The following KPNA3 variants were observed in gnomAD, a reference collection of about 807,000 sequenced individuals.
KPNA3 encodes the protein karyopherin subunit alpha 3.
A neutral mutation model predicts 73.8 loss-of-function variants in KPNA3; 13 were observed. That is an observed-to-expected ratio of 0.18 (90% CI 0.11 to 0.28). The LOEUF (loss-of-function observed/expected upper bound fraction) is 0.28, where lower values mean the gene tolerates loss of function less well. Ranked by LOEUF, KPNA3 falls within the 10% of genes least tolerant of loss-of-function variation. The pLI is 1.00. For missense variants in KPNA3, 360 were observed against 618.1 expected, an observed-to-expected ratio of 0.58 and a Z score of 4.43; for synonymous variants, 186 against 206.9, an observed-to-expected ratio of 0.90 and a Z score of 0.87.
chr13:49,736,550 A>C (rs191302615), intron 2 of KPNA3, among the ~76,000 whole-genome samples: 1 of 152,350 alleles, frequency 6.6e-6, no homozygotes, highest in East Asian at 1.9e-4. Flanking sequence ...AGTTATAAGA[A>C]TATGGAGAGA....
At chr13:49,735,526 C>T (rs968263473) in intron 2 of KPNA3, among the ~76,000 whole-genome samples, 4 of 152,110 alleles carry the variant, frequency 2.6e-5, no homozygotes, top group African/African-American at 9.7e-5. Context: ...TTAAACTGTC[C>T]CTTCAGTTGA....
intron 10 of KPNA3, among the ~76,000 whole-genome samples, chr13:49,718,654 T>C (rs912326678): frequency 3.3e-5 from 5 of 152,210 alleles, no homozygotes; most frequent in African/African-American, 1.2e-4. Context: ...TTATCTTATA[T>C]GTCTTTTGTT....
At chr13:49,713,674 C>CACACACACACACACACACAA (rs563909268) in intron 10 of KPNA3, among the ~76,000 whole-genome samples, 8 of 141,896 alleles carry the variant, frequency 5.6e-5, no homozygotes, top group African/African-American at 1.8e-4. Context: ...CACACACACA[C>CACACACACACACACACACAA]AAAACAGAAA....
chr13:49,742,443 G>C, intron 2 of KPNA3, among the ~76,000 whole-genome samples: 1 of 152,060 alleles, frequency 6.6e-6, no homozygotes, highest in East Asian at 1.9e-4. Context: ...GCCGTAGAAA[G>C]CAAACTTTTC....
intron 1 of KPNA3, among the ~76,000 whole-genome samples, chr13:49,768,088 C>A (rs1442781818): frequency 6.6e-6 from 1 of 151,794 alleles, no homozygotes; most frequent in Non-Finnish European, 1.5e-5. Flanking sequence ...GATCAGCCTG[C>A]CCAACATAAT....
chr13:49,705,359 C>CAA (rs34997868), intron 15 of KPNA3, among the ~76,000 whole-genome samples: 40 of 117,230 alleles, frequency 3.4e-4, no homozygotes, highest in African/African-American at 1.0e-3. Flanking sequence ...ATTCTGTCTC[C>CAA]AAAAAAAAAA....
chr13:49,738,496 AT>A (rs1205123824), intron 2 of KPNA3, among the ~76,000 whole-genome samples: 1 of 152,224 alleles, frequency 6.6e-6, no homozygotes, highest in African/African-American at 2.4e-5. Context: ...CACAGTATAC[AT>A]CTCTCCATTT....
At chr13:49,740,325 C>T (rs1954562128) in intron 2 of KPNA3, among the ~76,000 whole-genome samples, 1 of 151,644 alleles carries the variant, frequency 6.6e-6, no homozygotes, top group African/African-American at 2.4e-5. Flanking sequence ...TTAAAATCTA[C>T]TGTCAGTGAT....
intron 1 of KPNA3, among the ~76,000 whole-genome samples, chr13:49,766,146 G>A (rs770926670): frequency 8.5e-5 from 13 of 152,172 alleles, no homozygotes; most frequent in Non-Finnish European, 1.9e-4. Flanking sequence ...AATAAAAGCA[G>A]CTCGTGTCAC....
intron 1 of KPNA3, among the ~76,000 whole-genome samples, chr13:49,782,009 C>T (rs1193360247): frequency 6.6e-6 from 1 of 152,222 alleles, no homozygotes; most frequent in Non-Finnish European, 1.5e-5. Flanking sequence ...CACAGTACTT[C>T]TGTCAAGATG....
chr13:49,792,374 C>G, intron 1 of KPNA3, 64 bp downstream of exon 1: 1 of 1,225,152 alleles, frequency 8.2e-7, no homozygotes, highest in Non-Finnish European at 1.1e-6. Context: ...GCCGGCCCCC[C>G]GCCCCTCCCC....
At chr13:49,722,147 T>A (rs1253474894) in intron 8 of KPNA3, 23 bp from the exon 9 acceptor site, 25 of 1,456,262 alleles carry the variant, frequency 1.7e-5, no homozygotes, top group Non-Finnish European at 2.2e-5. Flanking sequence ...AAATTATATT[T>A]AAAAAAAACT....
Position 49,792,578 on chromosome 13 carries a change from GGGGGAGGAGGGGGAGAGCGGGAGGGGGGA to G in KPNA3, c.-101_-73del. The G allele has an allele frequency of 3.7e-6, 3 of 805,556 alleles. No individual in the cohort carries two copies. Among genetic ancestry groups the G allele is most frequent in the Non-Finnish European group, 3.9e-6 (2 of 517,778 alleles). The allele number at this position is 805,556 out of a possible 1,614,324, so 49.9% of individuals were successfully genotyped here. A position where few individuals can be genotyped will look rare whatever the true frequency, so the allele number is the denominator to read the frequency against. On this transcript the variant is annotated 5_prime_UTR_variant, in exon 1 of 17. Coordinates refer to ENST00000261667, the MANE Select transcript of KPNA3 (RefSeq NM_002267.4). ...GGCGGCGGCGAATCTTGGAGCGGGA[GGGGGAGGAGGGGGAGAGCGGGAGGGGGGA>G]GGGGAGAGAAGAGCACGTTCTGTGA...
At chr13:49,723,922 C>T (rs1010599287) in intron 7 of KPNA3, among the ~76,000 whole-genome samples, 29 of 151,792 alleles carry the variant, frequency 1.9e-4, no homozygotes, top group Admixed American at 6.6e-4. Flanking sequence ...ATACTTAAGG[C>T]AGTCATTCCA....
chr13:49,768,102 A>AC (rs1954823405), intron 1 of KPNA3, among the ~76,000 whole-genome samples: 1 of 151,744 alleles, frequency 6.6e-6, no homozygotes, highest in Non-Finnish European at 1.5e-5. Context: ...ACATAATGAA[A>AC]CCCCGTCTCT....
At chr13:49,769,600 T>C (rs1954836948) in intron 1 of KPNA3, among the ~76,000 whole-genome samples, 1 of 152,268 alleles carries the variant, frequency 6.6e-6, no homozygotes, top group Non-Finnish European at 1.5e-5. Context: ...TGCTGTAGCA[T>C]GTATAAATAC....
At chr13:49,724,534 C>G (rs543413857) in intron 7 of KPNA3, among the ~76,000 whole-genome samples, 5 of 152,140 alleles carry the variant, frequency 3.3e-5, no homozygotes, top group Non-Finnish European at 5.9e-5. Context: ...GTCTTGATCT[C>G]CTGACCTCGT....
rs191284445 is a variant in KPNA3, at chr13:49,722,048, G to T, written c.633C>A (p.Ser211=). The T allele has an allele frequency of 1.7e-5, 28 of 1,612,058 alleles. No homozygotes were observed. The East Asian group carries it at 6.2e-4, about 36-fold the overall frequency. The part of the protein sequence containing the change: ...VKPLLSFISP[S]IPITFLRNVT... ...CGTTCCGAAGGAAGGTGATGGGGAT[G>T]GAGGGACTGATGAAGGACAGAAGAG... Residue 211 remains serine, a synonymous_variant, in exon 9 of 17, where the codon TCC becomes TCA. Transcript: ENST00000261667.
intron 6 of KPNA3, among the ~76,000 whole-genome samples, chr13:49,729,867 A>C (rs1017998660): frequency 6.6e-6 from 1 of 152,212 alleles, no homozygotes; most frequent in Non-Finnish European, 1.5e-5. Context: ...TATTATTTCC[A>C]TTCCTTACCA....
Sources: allele counts gnomAD v4.1 joint callset (sites outside exome capture counted in the v4.1 genomes callset), GRCh38; gene constraint gnomAD v4.1.1; transcripts MANE v1.5; gene names NCBI Gene and HGNC (gene_info 2026-07-23, HGNC 2026-07-21).